Variants in KCNK3 observed in about 807,000 individuals in gnomAD.
KCNK3 encodes potassium channel subfamily K member 3.
A neutral mutation model predicts 27.3 loss-of-function variants in KCNK3; 9 were observed. The observed-to-expected ratio is 0.33, with a 90% CI of 0.20 to 0.57. KCNK3 has a LOEUF of 0.57. KCNK3 is among the 20% of genes least tolerant of loss of function. The probability of loss-of-function intolerance (pLI) is 0.87; values close to 1 mark genes in which losing one functional copy is unlikely to be tolerated. For synonymous variants in KCNK3, 278 were observed against 273.8 expected (o/e 1.02, Z -0.15); for missense variants, 391 against 577.7 (o/e 0.68, Z 3.31).
Position 26,692,813 on chromosome 2 carries a change from G to C in KCNK3, c.-63G>C. 1.1e-6 allele frequency: 1 copy of C among 926,696 alleles called. No homozygotes were observed. Among genetic ancestry groups the C allele is most frequent in the Non-Finnish European group, 1.3e-6 (1 of 773,312 alleles). The allele number at this position is 926,696 out of a possible 1,614,324, so 57.4% of individuals were successfully genotyped here. ...AGGCCGCCTCCGGGGCAGCAGCAGC[G>C]GCGGCCGGGGCCGAGGCGCGGGCCG... On this transcript the variant is annotated 5_prime_UTR_variant, in exon 1 of 2. Coordinates refer to ENST00000302909, the MANE Select transcript of KCNK3 (RefSeq NM_002246.3). The surrounding 1 kb of genome is among the most constrained non-coding windows in gnomAD (Gnocchi z 5.6).
intron 1 of KCNK3, among the ~76,000 whole-genome samples, chr2:26,704,006 C>A (rs1014246722): frequency 6.6e-5 from 10 of 152,216 alleles, no homozygotes; most frequent in African/African-American, 2.4e-4. Flanking sequence ...GATCTGTGTG[C>A]CCCTGCCTGA....
intron 1 of KCNK3, among the ~76,000 whole-genome samples, chr2:26,725,908 T>G (rs1359229753): frequency 6.6e-6 from 1 of 152,180 alleles, no homozygotes; most frequent in Non-Finnish European, 1.5e-5. Flanking sequence ...AATCTGGCAC[T>G]TCACTCATTA....
In KCNK3 at chr2:26,729,595, G is replaced by A. The variant is rs183744238; in HGVS notation, c.*1027G>A. 6.6e-6 allele frequency: 1 copy of A among 152,408 alleles called. No individual in the cohort carries two copies. The highest frequency in any genetic ancestry group is 6.5e-5 in the Admixed American group (1 of 15,284). The allele number at this position is 152,408 out of a possible 1,614,324, so 9.4% of individuals were successfully genotyped here. On this transcript the variant is annotated 3_prime_UTR_variant, in exon 2 of 2. Coordinates refer to ENST00000302909, the MANE Select transcript of KCNK3 (RefSeq NM_002246.3). Reference sequence around the variant, plus strand: ...TCACACCTGTATTCCCAACACTTTTGGAGGCTGAGGTTGGAGGATTGCTTG... The same window carrying A: ...TCACACCTGTATTCCCAACACTTTTAGAGGCTGAGGTTGGAGGATTGCTTG...
intron 1 of KCNK3, among the ~76,000 whole-genome samples, chr2:26,703,316 G>A (rs1402465981): frequency 6.6e-6 from 1 of 152,142 alleles, no homozygotes; most frequent in Non-Finnish European, 1.5e-5. Flanking sequence ...TCTACAGAAT[G>A]TCTTCACAGC....
chr2:26,702,611 G>A (rs1309298315), intron 1 of KCNK3, among the ~76,000 whole-genome samples: 1 of 152,178 alleles, frequency 6.6e-6, no homozygotes, highest in Non-Finnish European at 1.5e-5. Flanking sequence ...GAATTGCACT[G>A]CCTCAAGAGG....
At chr2:26,698,408 T>C (rs767304519) in intron 1 of KCNK3, among the ~76,000 whole-genome samples, 27 of 152,224 alleles carry the variant, frequency 1.8e-4, no homozygotes, top group Non-Finnish European at 3.5e-4. Flanking sequence ...TGTATGTCCT[T>C]GGACACATTA....
At chr2:26,706,106 T>C (rs1670369446) in intron 1 of KCNK3, among the ~76,000 whole-genome samples, 1 of 152,176 alleles carries the variant, frequency 6.6e-6, no homozygotes, top group African/African-American at 2.4e-5. Flanking sequence ...CTGTATTCCA[T>C]ACTTGGGAGG....
At chr2:26,716,065 T>C (rs560013759) in intron 1 of KCNK3, among the ~76,000 whole-genome samples, 79 of 152,344 alleles carry the variant, frequency 5.2e-4, no homozygotes, top group African/African-American at 1.8e-3. Context: ...GGCAGCGTCT[T>C]GCCTGGGATC....
At chr2:26,712,930 T>G (rs1007194804) in intron 1 of KCNK3, among the ~76,000 whole-genome samples, 3 of 152,070 alleles carry the variant, frequency 2.0e-5, no homozygotes, top group African/African-American at 7.2e-5. Flanking sequence ...TGCTTCCAAA[T>G]TCCCTGCCAG....
rs1439601946 is a variant in KCNK3 at position 26,730,341 on chromosome 2, G to A, written c.*1773G>A. On this transcript the variant is annotated 3_prime_UTR_variant, in exon 2 of 2. Coordinates refer to ENST00000302909, the MANE Select transcript of KCNK3 (RefSeq NM_002246.3). ...GCAAGAAACACCCTTCCCAGGTGGG[G>A]GAGTTTGGACCAGAGGTGCCCTCTG... is the stretch of plus-strand genomic sequence containing the variant. The A allele has an allele frequency of 6.6e-6, 1 of 152,270 alleles. No individual in the cohort carries two copies. Among genetic ancestry groups the A allele is most frequent in the Non-Finnish European group, 1.5e-5 (1 of 68,062 alleles). The allele number at this position is 152,270 out of a possible 1,614,324, so 9.4% of individuals were successfully genotyped here. A position where few individuals can be genotyped will look rare whatever the true frequency, so the allele number is the denominator to read the frequency against.
Position 26,728,346 on chromosome 2 carries a change from G to A in KCNK3, c.963G>A (p.Leu321=). 2 of 1,606,300 alleles carry A rather than the reference G, an allele frequency of 1.2e-6. No individual in the cohort carries two copies. Among genetic ancestry groups the A allele is most frequent in the Non-Finnish European group, 1.7e-6 (2 of 1,176,730 alleles). ...TGTGGTACAAGAGCCGCGAGAAGCT[G>A]CAGTACTCCATCCCCATGATCATCC... ...SCLWYKSREK[L]QYSIPMIIPR... Residue 321 remains leucine, a synonymous_variant, in exon 2 of 2, where the codon CTG becomes CTA. Coordinates refer to ENST00000302909, the MANE Select transcript of KCNK3 (RefSeq NM_002246.3).
chr2:26,705,546 G>T (rs1448314360), intron 1 of KCNK3, among the ~76,000 whole-genome samples: 1 of 152,110 alleles, frequency 6.6e-6, no homozygotes, highest in African/African-American at 2.4e-5. Context: ...TTAACACCTA[G>T]CTTCTCCCCG....
In KCNK3 at chr2:26,728,539, G is replaced by A; in HGVS notation, c.1156G>A (p.Gly386Ser). The change falls in exon 2 of 2, where the codon GGC becomes AGC. Residue 386 changes from glycine (G) to serine (S), a missense_variant. Transcript: ENST00000302909. ...TCTGCACAGCCTGTCCACCTTCCGC[G>A]GCCTCATGAAGCGCAGGAGCTCCGT... ...TGLHSLSTFR[G>S]LMKRRSSV 4 of 1,469,044 alleles carry A rather than the reference G, an allele frequency of 2.7e-6. No homozygotes were observed. The highest frequency in any genetic ancestry group is 2.9e-5 in the South Asian group (2 of 69,800). The allele number at this position is 1,469,044 out of a possible 1,614,324, so 91.0% of individuals were successfully genotyped here.
At chr2:26,710,666 T>G (rs1263632490) in intron 1 of KCNK3, among the ~76,000 whole-genome samples, 2 of 152,180 alleles carry the variant, frequency 1.3e-5, no homozygotes, top group African/African-American at 4.8e-5. Context: ...TAAAGGAGGC[T>G]GTCTGGGATG....
At chr2:26,720,079 G>C (rs934034381) in intron 1 of KCNK3, among the ~76,000 whole-genome samples, 2 of 152,144 alleles carry the variant, frequency 1.3e-5, no homozygotes, top group Non-Finnish European at 2.9e-5. Context: ...CCTGGCCAAT[G>C]TGGTGCAACC....
At chr2:26,702,210 A>G (rs1670316498) in intron 1 of KCNK3, among the ~76,000 whole-genome samples, 1 of 152,152 alleles carries the variant, frequency 6.6e-6, no homozygotes, top group Non-Finnish European at 1.5e-5. Flanking sequence ...GTGTCCTCAC[A>G]TCCTCACATG....
chr2:26,704,669 A>T (rs975417163), intron 1 of KCNK3, among the ~76,000 whole-genome samples: 1 of 152,198 alleles, frequency 6.6e-6, no homozygotes, highest in Admixed American at 6.5e-5. Context: ...CTCCAGGATG[A>T]GGTCTAGTCC....
intron 1 of KCNK3, among the ~76,000 whole-genome samples, chr2:26,709,024 C>T (rs542635590): frequency 6.6e-6 from 1 of 152,214 alleles, no homozygotes; most frequent in South Asian, 2.1e-4. Flanking sequence ...GAGGAGAGGG[C>T]TGTAGGAGTT....
intron 1 of KCNK3, among the ~76,000 whole-genome samples, chr2:26,695,894 C>G (rs1429097152): frequency 6.6e-6 from 1 of 152,210 alleles, no homozygotes; most frequent in Non-Finnish European, 1.5e-5. Context: ...GGGCCCCTCC[C>G]TCCCTGCCCC....
Sources: allele counts gnomAD v4.1 joint callset (sites outside exome capture counted in the v4.1 genomes callset), GRCh38; gene constraint gnomAD v4.1.1; non-coding constraint Gnocchi (gnomAD v3.1); transcripts MANE v1.5; gene names NCBI Gene and HGNC (gene_info 2026-07-23, HGNC 2026-07-21).